Variants in ANKK1 observed in about 807,000 individuals in gnomAD.
ANKK1 encodes the protein ankyrin repeat and protein kinase domain-containing protein 1.
ANKK1 carries 37 observed loss-of-function variants against 37.6 expected under a neutral mutation model. The ratio of observed to expected loss-of-function variants is 0.98; its 90% CI spans 0.76 to 1.29. The LOEUF (loss-of-function observed/expected upper bound fraction) is 1.29, where lower values mean the gene tolerates loss of function less well. ANKK1 is among the 50% of genes most tolerant of loss of function. The probability of loss-of-function intolerance (pLI) is 0.00; values close to 1 mark genes in which losing one functional copy is unlikely to be tolerated. For synonymous variants in ANKK1, 415 were observed against 418.7 expected, an observed-to-expected ratio of 0.99 and a Z score of 0.11; for missense variants, 1,019 against 990.6, an observed-to-expected ratio of 1.03 and a Z score of -0.39.
Position 113,387,936 on chromosome 11 carries a change from C to A in ANKK1, c.52C>A (p.Arg18Ser). ...GCTGGGCAGCCTCCCCGTCTTCACC[C>A]GCGACGACTTCGAGGGCGACTGGCG... Reference protein sequence around the residue: ...LRLGSLPVFTRDDFEGDWRLV... With the variant: ...LRLGSLPVFTSDDFEGDWRLV... The change falls in exon 1 of 8, where the codon CGC (arginine) becomes AGC (serine). Residue 18 changes from arginine to serine, a missense_variant. Transcript: ENST00000303941. The A allele has an allele frequency of 6.4e-7, 1 of 1,572,788 alleles. No homozygotes were observed. Among genetic ancestry groups the A allele is most frequent in the Non-Finnish European group, 8.6e-7 (1 of 1,165,832 alleles).
chr11:113,391,528 G>A (rs775592259), intron 1 of ANKK1, among the ~76,000 whole-genome samples: 2 of 152,088 alleles, frequency 1.3e-5, no homozygotes, highest in Non-Finnish European at 2.9e-5. Flanking sequence ...CTTGTTGCTC[G>A]ACAGTATTTT....
At chr11:113,395,967 G>T in intron 4 of ANKK1, 100 bp from the exon 5 acceptor site, 1 of 1,401,368 alleles carries the variant, frequency 7.1e-7, no homozygotes, top group Non-Finnish European at 9.9e-7. Flanking sequence ...CCCCCACTGC[G>T]TGCATGCCCT....
At chr11:113,398,228 T>C (rs1950655204) in intron 7 of ANKK1, among the ~76,000 whole-genome samples, 1 of 151,764 alleles carries the variant, frequency 6.6e-6, no homozygotes. Flanking sequence ...TCTGTGTCCT[T>C]GCAAGACGGA....
chr11:113,397,101 T>A (rs767919581), intron 5 of ANKK1, 123 bp from the exon 6 acceptor site: 12 of 774,624 alleles, frequency 1.5e-5, no homozygotes, highest in Non-Finnish European at 2.4e-5. Context: ...TGCATTTATA[T>A]GAACATATGT....
At chr11:113,395,191 C>T in intron 3 of ANKK1, 111 bp downstream of exon 3, 1 of 1,501,644 alleles carries the variant, frequency 6.7e-7, no homozygotes, top group South Asian at 1.3e-5. Flanking sequence ...TGAGGTCTGG[C>T]CCAAGGCGGA....
rs376444957 is a variant in ANKK1, at chr11:113,399,173, G to A, written c.1204G>A (p.Ala402Thr). The change falls in exon 8 of 8, where the codon GCC (alanine) becomes ACC (threonine). Residue 402 changes from alanine to threonine, a missense_variant. By Grantham distance (58) the Ala-to-Thr change is moderately conservative. Transcript: ENST00000303941. Reference sequence around the variant, plus strand: ...CTCTGGATACACGCCCCTCCTGATCGCCGCCCAGGACCAGCAACCCGACCT... The same window carrying A: ...CTCTGGATACACGCCCCTCCTGATCACCGCCCAGGACCAGCAACCCGACCT... ...TASGYTPLLI[A>T]AQDQQPDLCA... The A allele has an allele frequency of 8.8e-6, 14 of 1,598,384 alleles. No individual in the cohort carries two copies. Among genetic ancestry groups the A allele is most frequent in the Middle Eastern group, 1.6e-4 (1 of 6,072 alleles).
intron 6 of ANKK1, 88 bp downstream of exon 6, chr11:113,397,430 C>A: frequency 1.8e-6 from 2 of 1,103,936 alleles, no homozygotes; most frequent in South Asian, 3.0e-5. Context: ...AGACACTGAG[C>A]ACTCATGCAC....
rs765538641 is a variant in ANKK1 at position 113,387,910 on chromosome 11, G to A, written c.26G>A (p.Arg9Gln). The A allele has an allele frequency of 4.1e-5, 64 of 1,560,522 alleles. No individual in the cohort carries two copies. Among genetic ancestry groups the A allele is most frequent in the Non-Finnish European group, 5.4e-5 (62 of 1,157,376 alleles). Residue 9 changes from arginine to glutamine, a missense_variant, in exon 1 of 8, where the codon CGG (arginine) becomes CAG (glutamine). By Grantham distance (43) the Arg-to-Gln change is conservative (BLOSUM62 1). Transcript: ENST00000303941. ...ATGGCTGCCGACCCCACCGAGCTGC[G>A]GCTGGGCAGCCTCCCCGTCTTCACC... The part of the protein sequence containing the change: MAADPTEL[R>Q]LGSLPVFTRD...
Position 113,394,995 on chromosome 11 carries a change from G to C in ANKK1, c.547G>C (p.Ala183Pro), listed in dbSNP as rs774031844. The C allele has an allele frequency of 1.2e-6, 2 of 1,613,556 alleles. No individual in the cohort carries two copies. Among genetic ancestry groups the C allele is most frequent in the South Asian group, 2.2e-5 (2 of 90,876 alleles). ...CCGGATGCAGTACATCGAGAGGTCG[G>C]CTCTGCGGGGCATGCTCAGCTACAT... Reference protein sequence around the residue: ...STRMQYIERSALRGMLSYIPP... With the variant: ...STRMQYIERSPLRGMLSYIPP... Residue 183 changes from alanine to proline, a missense_variant, in exon 3 of 8, where the codon GCT (alanine) becomes CCT (proline). Transcript: ENST00000303941.
chr11:113,400,280 G>A lies in ANKK1; in HGVS notation c.*13G>A. The A allele has an allele frequency of 1.3e-6, 2 of 1,528,214 alleles. No homozygotes were observed. The highest frequency in any genetic ancestry group is 1.8e-6 in the Non-Finnish European group (2 of 1,133,832). The allele number at this position is 1,528,214 out of a possible 1,614,324, so 94.7% of individuals were successfully genotyped here. ...GATGGAAATTTAGACAACTTGGCCA[G>A]CCGTGGTGGCTCACGTCTGTAATCC... is the stretch of plus-strand genomic sequence containing the variant. On this transcript the variant is annotated 3_prime_UTR_variant, in exon 8 of 8. Coordinates refer to ENST00000303941, the MANE Select transcript of ANKK1 (RefSeq NM_178510.2).
intron 7 of ANKK1, among the ~76,000 whole-genome samples, chr11:113,398,235 CG>C (rs1950655347): frequency 6.7e-6 from 1 of 150,196 alleles, no homozygotes. Flanking sequence ...CCTTGCAAGA[CG>C]GAATTTTCCC....
At chr11:113,388,399 C>T (rs961430462) in intron 1 of ANKK1, among the ~76,000 whole-genome samples, 1 of 152,206 alleles carries the variant, frequency 6.6e-6, no homozygotes, top group Admixed American at 6.5e-5. Context: ...CGCCTTCTTC[C>T]CCCGGTGTCC....
chr11:113,395,236 A>G, intron 3 of ANKK1, 123 bp from the exon 4 acceptor site: 1 of 1,498,766 alleles, frequency 6.7e-7, no homozygotes. Context: ...GCTGGGGAGT[A>G]CTTTGGCCGG....
intron 1 of ANKK1, among the ~76,000 whole-genome samples, chr11:113,391,093 A>G (rs1391608131): frequency 1.3e-5 from 2 of 152,110 alleles, no homozygotes; most frequent in African/African-American, 4.8e-5. Context: ...TTGAGTAGAG[A>G]TTTGAAGGAA....
At position 113,387,849 on chromosome 11, in the gene ANKK1, G is replaced by A. The variant is rs1159467415; in HGVS notation, c.-36G>A. On this transcript the variant is annotated 5_prime_UTR_variant, in exon 1 of 8. Coordinates refer to ENST00000303941, the MANE Select transcript of ANKK1 (RefSeq NM_178510.2). ...GGCCACCCAGGCAGCAGCCACAGCG[G>A]GGAGTGCGCGGCGCGGGGACAGGAA... 6.8e-7 allele frequency: 1 copy of A among 1,462,308 alleles called. No individual in the cohort carries two copies. The highest frequency in any genetic ancestry group is 2.2e-5 in the Admixed American group (1 of 45,156). The allele number at this position is 1,462,308 out of a possible 1,614,324, so 90.6% of individuals were successfully genotyped here.
intron 5 of ANKK1, 69 bp downstream of exon 5, chr11:113,396,291 A>C: frequency 1.3e-6 from 2 of 1,562,248 alleles, no homozygotes; most frequent in Non-Finnish European, 1.7e-6. Context: ...ATGACTGGGC[A>C]CTCCTGGGAG....
rs1950677746 is a variant in ANKK1, at chr11:113,399,602, C to A, written c.1633C>A (p.His545Asn). 5.0e-6 allele frequency: 8 copies of A among 1,607,020 alleles called. No homozygotes were observed. The highest frequency in any genetic ancestry group is 6.8e-6 in the Non-Finnish European group (8 of 1,176,946). The change falls in exon 8 of 8, where the codon CAC becomes AAC. Residue 545 changes from histidine (H) to asparagine (N), a missense_variant. His to Asn is a moderately conservative substitution (Grantham distance 68). Coordinates refer to ENST00000303941, the MANE Select transcript of ANKK1 (RefSeq NM_178510.2). The stretch of plus-strand genomic sequence containing the variant: ...GCGGGGCAAAGTGAGGGCCATCCAA[C>A]ACCTGCTGAAGAGTGGAGCGGTCCC... Reference protein sequence around the residue: ...VERGKVRAIQHLLKSGAVPDA... With the variant: ...VERGKVRAIQNLLKSGAVPDA...
chr11:113,390,799 G>A (rs778532647), intron 1 of ANKK1, among the ~76,000 whole-genome samples: 14 of 150,774 alleles, frequency 9.3e-5, no homozygotes, highest in South Asian at 2.1e-4. Flanking sequence ...CAAGCACTAC[G>A]TGAAAAAAAC....
intron 5 of ANKK1, 126 bp downstream of exon 5, chr11:113,396,348 T>A: frequency 1.6e-6 from 2 of 1,232,712 alleles, no homozygotes; most frequent in Non-Finnish European, 2.2e-6. Flanking sequence ...AGGACTTTTT[T>A]TTTTTTTTTT....
Sources: allele counts gnomAD v4.1 joint callset (sites outside exome capture counted in the v4.1 genomes callset), GRCh38; gene constraint gnomAD v4.1.1; transcripts MANE v1.5; gene names NCBI Gene and HGNC (gene_info 2026-07-23, HGNC 2026-07-21).